SPG11: variants seen among roughly 807,000 people sequenced by gnomAD.
The protein encoded by SPG11 is spatacsin.
In SPG11, 222 loss-of-function variants were observed where a neutral mutation model predicts 274.0. The observed-to-expected ratio is 0.81, with a 90% CI of 0.73 to 0.91. The LOEUF (loss-of-function observed/expected upper bound fraction) is 0.91, where lower values mean the gene tolerates loss of function less well. SPG11 is among the 40% of genes least tolerant of loss of function. SPG11 has a pLI of 0.00. For missense variants in SPG11, 3,114 were observed against 2,872.7 expected, an observed-to-expected ratio of 1.08 and a Z score of -1.92; for synonymous variants, 1,144 against 1,039.7, an observed-to-expected ratio of 1.10 and a Z score of -1.93.
At chr15:44,633,710 A>C (rs1445694718) in intron 7 of SPG11, 73 bp from the exon 8 acceptor site, 37 of 1,497,952 alleles carry the variant, frequency 2.5e-5, no homozygotes, top group Non-Finnish European at 3.4e-5. Flanking sequence ...CAGATTTTTA[A>C]ACAAACTTTA....
chr15:44,632,511 G>T (rs1338424071), intron 8 of SPG11, among the ~76,000 whole-genome samples: 1 of 151,766 alleles, frequency 6.6e-6, no homozygotes, highest in Non-Finnish European at 1.5e-5. Context: ...AGAGAAGTCT[G>T]GGTGAATTTT....
At chr15:44,578,057 C>T (rs1231043010) in intron 30 of SPG11, among the ~76,000 whole-genome samples, 1 of 144,684 alleles carries the variant, frequency 6.9e-6, no homozygotes, top group African/African-American at 2.6e-5. Flanking sequence ...CGGAGTCTCG[C>T]TCTGTCGCCC....
Position 44,663,392 on chromosome 15 carries a change from G to C in SPG11, c.256C>G (p.His86Asp), listed in dbSNP as rs773123413. ...GCCCAACTCTCCCTCAGCACTTACT[G>C]CCAGAAGGGGCCCTCCAGGCAGCAG... Reference protein sequence around the residue: ...GRCCLEGPFWHFLWEDSRNSS... With the variant: ...GRCCLEGPFWDFLWEDSRNSS... The change falls in exon 1 of 40, where the codon CAC becomes GAC. Residue 86 changes from histidine to aspartate, a missense_variant and splice_region_variant. Transcript: ENST00000261866. 2.2e-5 allele frequency: 35 copies of C among 1,607,022 alleles called. No homozygotes were observed. The East Asian group carries it at 7.4e-4, about 34-fold the overall frequency.
chr15:44,630,122 C>T (rs2084015560), intron 8 of SPG11, among the ~76,000 whole-genome samples: 1 of 152,192 alleles, frequency 6.6e-6, no homozygotes, highest in Admixed American at 6.6e-5. Flanking sequence ...GATTGCAAAG[C>T]TATTCTGTGC....
chr15:44,573,796 G>T, intron 31 of SPG11, 51 bp from the exon 32 acceptor site: 1 of 1,572,596 alleles, frequency 6.4e-7, no homozygotes, highest in Non-Finnish European at 8.7e-7. Context: ...CCAGGAAAAA[G>T]CAAAAGAGCC....
At chr15:44,603,425 A>G (rs769447382) in intron 20 of SPG11, among the ~76,000 whole-genome samples, 5 of 152,016 alleles carry the variant, frequency 3.3e-5, no homozygotes, top group Non-Finnish European at 7.4e-5. Context: ...TTTTCCCTCT[A>G]CACTAATTAC....
chr15:44,636,477 T>TG (rs1468617605), intron 7 of SPG11, among the ~76,000 whole-genome samples: 1 of 150,740 alleles, frequency 6.6e-6, no homozygotes, highest in Non-Finnish European at 1.5e-5. Flanking sequence ...CTGGCTACCA[T>TG]GGTGAAACCC....
intron 4 of SPG11, among the ~76,000 whole-genome samples, chr15:44,652,552 C>T (rs1169365165): frequency 6.6e-6 from 1 of 152,176 alleles, no homozygotes; most frequent in Admixed American, 6.5e-5. Flanking sequence ...ATTTAAGCCT[C>T]TAACAACCCT....
At chr15:44,638,518 C>T (rs2084348172) in intron 7 of SPG11, among the ~76,000 whole-genome samples, 1 of 139,338 alleles carries the variant, frequency 7.2e-6, no homozygotes, top group African/African-American at 2.7e-5. Flanking sequence ...CCCCAACACA[C>T]ACAACAAAAA....
chr15:44,568,858 G>T (rs989459418), intron 35 of SPG11, among the ~76,000 whole-genome samples: 2 of 152,098 alleles, frequency 1.3e-5, no homozygotes, highest in Admixed American at 1.3e-4. Flanking sequence ...AGGTGGAGGA[G>T]GACAAACTTA....
intron 19 of SPG11, 94 bp from the exon 20 acceptor site, chr15:44,606,185 T>TCC (rs1468697921): frequency 2.7e-5 from 29 of 1,086,112 alleles, no homozygotes; most frequent in Non-Finnish European, 4.0e-5. Flanking sequence ...GGTAGTCTGC[T>TCC]CCCCTTTTCC....
rs112832673 is a variant in SPG11 at position 44,657,162 on chromosome 15, G to C, written c.802C>G (p.Leu268Val). ...GAGCTGACAATCACTGCAACATCGA[G>C]GTCTTGAGAAACTTTCAGTGAAGTA... Reference protein sequence around the residue: ...SFTSLKVSQDLDVAVIVSSSN... With the variant: ...SFTSLKVSQDVDVAVIVSSSN... Residue 268 changes from leucine (L) to valine (V), a missense_variant, in exon 4 of 40, where the codon CTC becomes GTC. Leu to Val is a conservative substitution (Grantham distance 32, BLOSUM62 1). Coordinates refer to ENST00000261866, the MANE Select transcript of SPG11 (RefSeq NM_025137.4). 6.2e-7 allele frequency: 1 copy of C among 1,614,184 alleles called. No individual in the cohort carries two copies. Among genetic ancestry groups the C allele is most frequent in the Non-Finnish European group, 8.5e-7 (1 of 1,180,028 alleles).
At chr15:44,659,595 T>C (rs1415132163) in intron 2 of SPG11, among the ~76,000 whole-genome samples, 5 of 152,176 alleles carry the variant, frequency 3.3e-5, no homozygotes, top group Non-Finnish European at 7.3e-5. Flanking sequence ...AAGAAGACTT[T>C]TTCTTTTTTT....
rs2084016289 is a variant in SPG11, at chr15:44,630,144, G to A, written c.1736-756C>T. Among the ~76,000 whole-genome samples, 2 of 152,336 alleles carry A rather than the reference G, an allele frequency of 1.3e-5. No individual in the cohort carries two copies. The highest frequency in any genetic ancestry group is 2.4e-5 in the African/African-American group (1 of 41,578). On this transcript the variant is annotated intron_variant, in intron 8 of 39. Transcript: ENST00000261866. ...AAGCTATTCTGTGCTAAACATTCAAGTGAAAACAAGAAGTGTGGGCCCCTG... is the reference window on the plus strand; with the variant it reads ...AAGCTATTCTGTGCTAAACATTCAAATGAAAACAAGAAGTGTGGGCCCCTG...
rs1355609943 is a variant in SPG11, at chr15:44,575,501, T to C, written c.5867-460A>G. On this transcript the variant is annotated intron_variant, in intron 30 of 39. Coordinates refer to ENST00000261866, the MANE Select transcript of SPG11 (RefSeq NM_025137.4). ...AGTCGGTCTCCAACATACTTTTTTT[T>C]TTTTTTTTTTTGAGATGGAGTCTTG... is the stretch of plus-strand genomic sequence containing the variant. Among the ~76,000 whole-genome samples the C allele has an allele frequency of 1.3e-4, 19 of 151,014 alleles. No homozygotes were observed. In the East Asian group the frequency reaches 3.3e-3, roughly 26 times the overall value.
intron 2 of SPG11, 125 bp from the exon 3 acceptor site, chr15:44,659,428 G>C (rs745470862): frequency 1.2e-6 from 1 of 843,850 alleles, no homozygotes; most frequent in Non-Finnish European, 1.9e-6. Flanking sequence ...CTAACTTTAC[G>C]CAGTTATCGT....
chr15:44,569,548 CTG>C, intron 34 of SPG11, 43 bp from the exon 35 acceptor site: 1 of 1,432,260 alleles, frequency 7.0e-7, no homozygotes, highest in East Asian at 2.4e-5. Flanking sequence ...CACCTGGAGT[CTG>C]GAGTTCTCTG....
At chr15:44,567,260 AGAATCACTT>A in intron 36 of SPG11, 155 bp downstream of exon 36, 1 of 650,056 alleles carries the variant, frequency 1.5e-6, no homozygotes. Flanking sequence ...CTGAGGCGGG[AGAATCACTT>A]GAACCTGGGA....
At chr15:44,649,734 A>C (rs188601303) in intron 6 of SPG11, among the ~76,000 whole-genome samples, 4 of 152,144 alleles carry the variant, frequency 2.6e-5, no homozygotes, top group Admixed American at 1.3e-4. Context: ...TCTACCAAAA[A>C]TACACAAAAA....
Sources: gnomAD v4.1 joint callset for allele counts (sites outside exome capture counted in the v4.1 genomes callset) on GRCh38, gnomAD v4.1.1 for gene constraint, MANE v1.5 for transcripts, NCBI Gene and HGNC (gene_info 2026-07-23, HGNC 2026-07-21) for gene names.